FAT3: variants seen among roughly 807,000 people sequenced by gnomAD.
FAT3 encodes protocadherin Fat 3.
In FAT3, 95 loss-of-function variants were observed where a neutral mutation model predicts 310.2. The ratio of observed to expected loss-of-function variants is 0.31; its 90% CI spans 0.26 to 0.36. FAT3 has a LOEUF of 0.36. Ranked by LOEUF, FAT3 falls within the 10% of genes least tolerant of loss-of-function variation. The pLI is 1.00. For synonymous variants in FAT3, 2,314 were observed against 2,192.9 expected, an observed-to-expected ratio of 1.06 and a Z score of -1.54; for missense variants, 5,408 against 5,715.6, an observed-to-expected ratio of 0.95 and a Z score of 1.74.
chr11:92,363,823 A>C (rs868161789), intron 2 of FAT3, among the ~76,000 whole-genome samples: 1 of 152,218 alleles, frequency 6.6e-6, no homozygotes, highest in Non-Finnish European at 1.5e-5. Context: ...GAGAGAAAAA[A>C]AATAATGTTT....
chr11:92,421,611 T>G (rs1435239264), intron 2 of FAT3, among the ~76,000 whole-genome samples: 1 of 152,246 alleles, frequency 6.6e-6, no homozygotes, highest in Non-Finnish European at 1.5e-5. Context: ...TAAGCAGACT[T>G]GAAGAGGAAG....
chr11:92,497,055 T>C (rs1952790135), intron 2 of FAT3, among the ~76,000 whole-genome samples: 2 of 152,026 alleles, frequency 1.3e-5, no homozygotes, highest in Admixed American at 6.6e-5. Context: ...CTGACTTAGG[T>C]GATGCGATTC....
In FAT3 at chr11:92,809,921, G is replaced by T. The variant is rs767088342; in HGVS notation, c.9326G>T (p.Gly3109Val). 1 of 1,614,032 alleles carries T rather than the reference G, an allele frequency of 6.2e-7. No individual in the cohort carries two copies. The highest frequency in any genetic ancestry group is 8.5e-7 in the Non-Finnish European group (1 of 1,179,882). Reference protein sequence around the residue: ...YSLMAKATDGGGRFCQSNIHL... With the variant: ...YSLMAKATDGVGRFCQSNIHL... ...CTGATGGCCAAGGCCACTGACGGGG[G>T]TGGCAGGTTCTGCCAGTCCAACATC... Residue 3109 changes from glycine (G) to valine (V), a missense_variant, in exon 13 of 28, where the codon GGT (glycine) becomes GTT (valine). By Grantham distance (109) the Gly-to-Val change is moderately radical. Around this residue, in one of 5 missense-constraint regions of FAT3, gnomAD observed 4,588 missense variants for 4,809.8 expected, o/e 0.95. Transcript: ENST00000525166.
intron 3 of FAT3, among the ~76,000 whole-genome samples, chr11:92,638,297 A>G (rs970430450): frequency 6.6e-6 from 1 of 152,210 alleles, no homozygotes; most frequent in African/African-American, 2.4e-5. Context: ...ATTGAACGTG[A>G]TCTTGAACCA....
chr11:92,580,134 T>G (rs939683456), intron 3 of FAT3, among the ~76,000 whole-genome samples: 1 of 152,046 alleles, frequency 6.6e-6, no homozygotes, highest in Non-Finnish European at 1.5e-5. Context: ...AAATATTAGT[T>G]TTTGTTGGTG....
intron 20 of FAT3, among the ~76,000 whole-genome samples, chr11:92,858,286 G>T (rs934589683): frequency 6.6e-6 from 1 of 152,184 alleles, no homozygotes; most frequent in Non-Finnish European, 1.5e-5. Flanking sequence ...GTAAGGCTTA[G>T]AATTACAGGA....
intron 22 of FAT3, among the ~76,000 whole-genome samples, chr11:92,869,664 A>T (rs1265673555): frequency 2.6e-5 from 4 of 152,232 alleles, no homozygotes; most frequent in Non-Finnish European, 4.4e-5. Flanking sequence ...GGGAGAGAAA[A>T]AAGGGAAGAA....
intron 1 of FAT3, among the ~76,000 whole-genome samples, 193 bp downstream of exon 1, chr11:92,225,367 T>C (rs1438179724): frequency 2.0e-5 from 3 of 152,086 alleles, no homozygotes; most frequent in Admixed American, 6.5e-5. Flanking sequence ...CGAGCCGCCG[T>C]TGCTACCGCT....
Position 92,353,914 on chromosome 11 carries a change from C to T in FAT3, c.1802C>T (p.Ser601Leu), listed in dbSNP as rs1395732545. The change falls in exon 2 of 28, where the codon TCA (serine) becomes TTA (leucine). Residue 601 changes from serine to leucine, a missense_variant. Ser to Leu is a moderately radical substitution (Grantham distance 145, BLOSUM62 -2). Transcript: ENST00000525166. ...FPVGGHITAV[S>L]AIDIDELELV... is the part of the protein sequence containing the mutation. ...GTTGGTGGTCACATCACAGCAGTCT[C>T]AGCGATCGATATCGATGAACTTGAA... 2 of 1,612,098 alleles carry T rather than the reference C, an allele frequency of 1.2e-6. No homozygotes were observed. Among genetic ancestry groups the T allele is most frequent in the Non-Finnish European group, 8.5e-7 (1 of 1,178,516 alleles).
intron 2 of FAT3, among the ~76,000 whole-genome samples, chr11:92,398,523 A>G (rs1397065644): frequency 1.4e-5 from 2 of 145,902 alleles, no homozygotes; most frequent in South Asian, 2.2e-4. Flanking sequence ...AAAAAAAAAA[A>G]GTCATCTTTT....
chr11:92,778,864 A>G (rs1043911773), intron 7 of FAT3, among the ~76,000 whole-genome samples: 1 of 152,156 alleles, frequency 6.6e-6, no homozygotes, highest in Non-Finnish European at 1.5e-5. Context: ...TTCTGGGTTA[A>G]GAAAGACTGT....
At chr11:92,769,545 T>C (rs1306913179) in intron 6 of FAT3, among the ~76,000 whole-genome samples, 1 of 152,216 alleles carries the variant, frequency 6.6e-6, no homozygotes, top group East Asian at 1.9e-4. Flanking sequence ...CCACCTTTAT[T>C]ACACACCTCA....
intron 2 of FAT3, among the ~76,000 whole-genome samples, chr11:92,452,785 CAG>C (rs930132203): frequency 6.6e-6 from 1 of 152,104 alleles, no homozygotes; most frequent in Non-Finnish European, 1.5e-5. Context: ...TTTTTTGAGA[CAG>C]TGTCTTGCTC....
intron 3 of FAT3, among the ~76,000 whole-genome samples, chr11:92,539,741 G>T (rs1314982611): frequency 6.6e-6 from 1 of 152,156 alleles, no homozygotes; most frequent in Non-Finnish European, 1.5e-5. Flanking sequence ...GGTTATTCCA[G>T]ATAACTGATG....
At chr11:92,809,713 TG>T in intron 12 of FAT3, 129 bp from the exon 13 acceptor site, 1 of 673,770 alleles carries the variant, frequency 1.5e-6, no homozygotes, top group Non-Finnish European at 2.5e-6. Context: ...TTTTAAAGTA[TG>T]GGACACTTGG....
chr11:92,773,824 C>T (rs2136115207), intron 6 of FAT3, among the ~76,000 whole-genome samples: 1 of 152,234 alleles, frequency 6.6e-6, no homozygotes, highest in South Asian at 2.1e-4. Flanking sequence ...GCACTACATT[C>T]CTTTTTTGTG....
intron 2 of FAT3, among the ~76,000 whole-genome samples, chr11:92,450,165 G>A (rs945940335): frequency 2.0e-5 from 3 of 152,192 alleles, no homozygotes; most frequent in South Asian, 2.1e-4. Context: ...TGGCAGCCTC[G>A]TTGAGGTTTC....
intron 25 of FAT3, 94 bp downstream of exon 25, chr11:92,887,207 T>C (rs1320449748): frequency 5.7e-6 from 6 of 1,050,644 alleles, no homozygotes; most frequent in Non-Finnish European, 7.1e-6. Flanking sequence ...CTGGCTTTGT[T>C]TCTCAACCTG....
intron 1 of FAT3, among the ~76,000 whole-genome samples, chr11:92,227,270 G>C (rs558405195): frequency 6.6e-6 from 1 of 152,216 alleles, no homozygotes; most frequent in African/African-American, 2.4e-5. Flanking sequence ...AGGCGAGTCC[G>C]GGGTAGTGGG....
Sources: gnomAD v4.1 joint callset for allele counts (sites outside exome capture counted in the v4.1 genomes callset) on GRCh38, gnomAD v4.1.1 for gene constraint, gnomAD v4.1.1 regional missense constraint, MANE v1.5 for transcripts, NCBI Gene and HGNC (gene_info 2026-07-23, HGNC 2026-07-21) for gene names.